SGCZ: variants seen among roughly 807,000 people sequenced by gnomAD.
The protein encoded by SGCZ is sarcoglycan zeta.
SGCZ carries 40 observed loss-of-function variants against 41.3 expected under a neutral mutation model. The ratio of observed to expected loss-of-function variants is 0.97; its 90% CI spans 0.75 to 1.26. SGCZ has a LOEUF of 1.26. Ranked by LOEUF, SGCZ falls within the 50% of genes most tolerant of loss-of-function variation. SGCZ has a pLI of 0.00. For synonymous variants in SGCZ, 206 were observed against 137.5 expected, an observed-to-expected ratio of 1.50 and a Z score of -3.49; for missense variants, 552 against 369.8, an observed-to-expected ratio of 1.49 and a Z score of -4.04.
chr8:14,209,788 TG>T (rs1805740301), intron 4 of SGCZ, among the ~76,000 whole-genome samples: 1 of 152,158 alleles, frequency 6.6e-6, no homozygotes, highest in Non-Finnish European at 1.5e-5. Context: ...AAAGTTACGT[TG>T]GTATTTAAAT....
chr8:14,422,884 C>A (rs190854601), intron 2 of SGCZ, among the ~76,000 whole-genome samples: 1 of 151,874 alleles, frequency 6.6e-6, no homozygotes, highest in African/African-American at 2.4e-5. Flanking sequence ...AAAAATTAGC[C>A]AGGCATGGTG....
chr8:14,860,204 T>C (rs1297129806), intron 1 of SGCZ, among the ~76,000 whole-genome samples: 1 of 152,078 alleles, frequency 6.6e-6, no homozygotes, highest in East Asian at 1.9e-4. Flanking sequence ...TTGTCTTTTT[T>C]TTTTCTTCTT....
intron 1 of SGCZ, among the ~76,000 whole-genome samples, chr8:15,203,040 G>A (rs559612324): frequency 1.3e-5 from 2 of 152,126 alleles, no homozygotes; most frequent in Admixed American, 1.3e-4. Flanking sequence ...AACCTGGGAG[G>A]TGGAAGTTGA....
chr8:14,560,741 A>G (rs1448726928), intron 1 of SGCZ, among the ~76,000 whole-genome samples: 1 of 152,166 alleles, frequency 6.6e-6, no homozygotes, highest in Non-Finnish European at 1.5e-5. Flanking sequence ...ATTGTCTTTC[A>G]GCAATAAGAT....
intron 1 of SGCZ, among the ~76,000 whole-genome samples, chr8:14,774,751 A>C (rs991061546): frequency 4.6e-5 from 7 of 152,224 alleles, no homozygotes; most frequent in Non-Finnish European, 1.0e-4. Context: ...ATTAGCACGA[A>C]GGCAATATAT....
intron 1 of SGCZ, among the ~76,000 whole-genome samples, chr8:14,842,206 G>C (rs1043477264): frequency 2.6e-5 from 4 of 152,132 alleles, no homozygotes; most frequent in African/African-American, 9.7e-5. Flanking sequence ...ACCAACAAGA[G>C]AGCAGTGATT....
At chr8:14,847,677 T>C (rs1563312598) in intron 1 of SGCZ, among the ~76,000 whole-genome samples, 1 of 81,560 alleles carries the variant, frequency 1.2e-5, no homozygotes, top group Non-Finnish European at 2.3e-5. Context: ...GAAGGAAAGA[T>C]GGAGGGAGGG....
intron 1 of SGCZ, among the ~76,000 whole-genome samples, chr8:14,797,802 C>A (rs974163548): frequency 5.3e-5 from 8 of 152,160 alleles, no homozygotes; most frequent in Non-Finnish European, 1.0e-4. Context: ...GATTTGGTGC[C>A]CTGCATCCCA....
chr8:14,376,243 G>A (rs1436849426), intron 2 of SGCZ, among the ~76,000 whole-genome samples: 3 of 152,180 alleles, frequency 2.0e-5, no homozygotes, highest in South Asian at 2.1e-4. Flanking sequence ...CCTGGCAGGC[G>A]GAGGTTGCAG....
chr8:14,790,636 T>G (rs891773730), intron 1 of SGCZ, among the ~76,000 whole-genome samples: 35 of 152,124 alleles, frequency 2.3e-4, no homozygotes, highest in Middle Eastern at 3.2e-3. Context: ...AATACGGAGA[T>G]AGTTAAGTAA....
At chr8:14,936,197 A>C (rs975913246) in intron 1 of SGCZ, among the ~76,000 whole-genome samples, 19 of 151,930 alleles carry the variant, frequency 1.3e-4, no homozygotes, top group Non-Finnish European at 1.9e-4. Flanking sequence ...TGTTTTAACA[A>C]GTATAAAGCT....
At chr8:14,671,856 T>C (rs1367748740) in intron 1 of SGCZ, among the ~76,000 whole-genome samples, 1 of 152,172 alleles carries the variant, frequency 6.6e-6, no homozygotes, top group Non-Finnish European at 1.5e-5. Flanking sequence ...CTTCCGTATA[T>C]CCTAATTCTG....
intron 4 of SGCZ, among the ~76,000 whole-genome samples, chr8:14,172,202 TG>T (rs1359424011): frequency 6.6e-6 from 1 of 152,176 alleles, no homozygotes; most frequent in African/African-American, 2.4e-5. Flanking sequence ...ACTTATTTTT[TG>T]TTCATGCCCA....
At chr8:15,012,648 AT>A (rs1381626097) in intron 1 of SGCZ, among the ~76,000 whole-genome samples, 1 of 127,520 alleles carries the variant, frequency 7.8e-6, no homozygotes, top group East Asian at 2.3e-4. Context: ...ATAAAACTAT[AT>A]ATAATATATA....
chr8:14,767,192 G>T (rs1332882687), intron 1 of SGCZ, among the ~76,000 whole-genome samples: 1 of 152,112 alleles, frequency 6.6e-6, no homozygotes, highest in Non-Finnish European at 1.5e-5. Context: ...ATGGCACAAG[G>T]TCTATCTCCT....
chr8:14,376,299 G>A (rs1470439598), intron 2 of SGCZ, among the ~76,000 whole-genome samples: 1 of 150,358 alleles, frequency 6.7e-6, no homozygotes. Flanking sequence ...CAACAGAGCG[G>A]GACTCAATCT....
intron 1 of SGCZ, among the ~76,000 whole-genome samples, chr8:14,794,722 G>A (rs917272528): frequency 7.9e-5 from 12 of 152,110 alleles, no homozygotes; most frequent in African/African-American, 2.4e-4. Context: ...ATAGGCTCAC[G>A]AAAAGACATA....
intron 1 of SGCZ, among the ~76,000 whole-genome samples, chr8:14,614,750 A>C (rs1806040043): frequency 6.6e-6 from 1 of 152,178 alleles, no homozygotes; most frequent in Admixed American, 6.5e-5. Flanking sequence ...GTTTTTGATA[A>C]GTGAAGAGAG....
chr8:14,880,076 G>A (rs1020896091), intron 1 of SGCZ, among the ~76,000 whole-genome samples: 8 of 152,054 alleles, frequency 5.3e-5, no homozygotes, highest in African/African-American at 1.7e-4. Context: ...CCTGATCTCA[G>A]GTAATCTGCC....
Sources: allele counts gnomAD v4.1 joint callset (sites outside exome capture counted in the v4.1 genomes callset), GRCh38; gene constraint gnomAD v4.1.1; transcripts MANE v1.5; gene names NCBI Gene and HGNC (gene_info 2026-07-23, HGNC 2026-07-21).